Variants in LDLRAD4 observed in about 807,000 individuals in gnomAD.
The protein encoded by LDLRAD4 is low density lipoprotein receptor class A domain containing 4.
In LDLRAD4, 5 loss-of-function variants were observed where a neutral mutation model predicts 17.0. That is an observed-to-expected ratio of 0.29 (90% CI 0.15 to 0.62). The LOEUF is 0.62. Ranked by LOEUF, LDLRAD4 falls within the 20% of genes least tolerant of loss-of-function variation. The probability of loss-of-function intolerance (pLI) is 0.84; values close to 1 mark genes in which losing one functional copy is unlikely to be tolerated. For missense variants in LDLRAD4, 340 were observed against 424.7 expected, an observed-to-expected ratio of 0.80 and a Z score of 1.75; for synonymous variants, 168 against 171.8, an observed-to-expected ratio of 0.98 and a Z score of 0.17.
intron 1 of LDLRAD4, among the ~76,000 whole-genome samples, chr18:13,294,721 T>TG (rs1419639332): frequency 6.6e-6 from 1 of 151,812 alleles, no homozygotes; most frequent in Non-Finnish European, 1.5e-5. Flanking sequence ...AGAGTCTTAA[T>TG]GGTCACTAGG....
chr18:13,395,616 G>C (rs2086612953), intron 2 of LDLRAD4, among the ~76,000 whole-genome samples: 2 of 73,672 alleles, frequency 2.7e-5, no homozygotes, highest in Non-Finnish European at 5.4e-5. Context: ...GGGAGTTGGC[G>C]TGGGGGCGGG....
intron 1 of LDLRAD4, among the ~76,000 whole-genome samples, chr18:13,230,217 A>G (rs560154316): frequency 1.6e-4 from 25 of 152,282 alleles, no homozygotes; most frequent in South Asian, 1.5e-3. Flanking sequence ...ATCTGCCGGC[A>G]CCTTGATCTT....
chr18:13,508,404 T>G (rs558759012), intron 3 of LDLRAD4, among the ~76,000 whole-genome samples: 18 of 152,288 alleles, frequency 1.2e-4, no homozygotes, highest in African/African-American at 4.3e-4. Context: ...GGAATAACCC[T>G]CTATTGGAAG....
intron 1 of LDLRAD4, among the ~76,000 whole-genome samples, chr18:13,302,703 A>G (rs796282518): frequency 3.5e-4 from 53 of 152,330 alleles, no homozygotes; most frequent in African/African-American, 1.2e-3. Flanking sequence ...ACAGAGGGAA[A>G]GGAGGAAAAC....
intron 1 of LDLRAD4, among the ~76,000 whole-genome samples, chr18:13,316,764 C>G (rs2080955670): frequency 6.6e-6 from 1 of 152,028 alleles, no homozygotes; most frequent in African/African-American, 2.4e-5. Flanking sequence ...AAAGTAACCA[C>G]TAAAATACTA....
intron 3 of LDLRAD4, among the ~76,000 whole-genome samples, chr18:13,462,515 GCTGTGAGACAGGCA>G (rs2092467440): frequency 6.6e-6 from 1 of 152,154 alleles, no homozygotes; most frequent in East Asian, 1.9e-4. Flanking sequence ...TCTACATAGG[GCTGTGAGACAGGCA>G]CTGTTCAATA....
intron 1 of LDLRAD4, among the ~76,000 whole-genome samples, chr18:13,315,020 C>T (rs1363366960): frequency 1.3e-5 from 2 of 152,142 alleles, no homozygotes; most frequent in African/African-American, 4.8e-5. Context: ...AGCCAGAAGG[C>T]TATTCTTAAA....
intron 1 of LDLRAD4, among the ~76,000 whole-genome samples, chr18:13,348,975 C>A (rs1453901534): frequency 2.0e-5 from 3 of 152,180 alleles, no homozygotes; most frequent in Admixed American, 6.5e-5. Flanking sequence ...CATCTGTCAC[C>A]CCTTTCCTTG....
chr18:13,503,232 C>A (rs909945479), intron 3 of LDLRAD4, among the ~76,000 whole-genome samples: 1 of 152,160 alleles, frequency 6.6e-6, no homozygotes, highest in Non-Finnish European at 1.5e-5. Flanking sequence ...GGAGGATGGC[C>A]CTAGGTACTA....
At chr18:13,527,604 C>G (rs568516876) in intron 3 of LDLRAD4, among the ~76,000 whole-genome samples, 6 of 152,220 alleles carry the variant, frequency 3.9e-5, no homozygotes, top group African/African-American at 1.2e-4. Flanking sequence ...TTCTGCTCAC[C>G]GGCCCCTCTA....
chr18:13,433,216 T>G (rs1017868340), intron 2 of LDLRAD4, among the ~76,000 whole-genome samples: 3 of 152,240 alleles, frequency 2.0e-5, no homozygotes. Flanking sequence ...CTTTGCTATT[T>G]ACAATGTAAG....
chr18:13,413,948 TAA>T (rs2088617790), intron 2 of LDLRAD4, among the ~76,000 whole-genome samples: 1 of 152,130 alleles, frequency 6.6e-6, no homozygotes, highest in Non-Finnish European at 1.5e-5. Context: ...GAAATAATTA[TAA>T]GAGAGTACCT....
chr18:13,438,864 A>C (rs573040135), intron 3 of LDLRAD4, among the ~76,000 whole-genome samples: 2 of 152,342 alleles, frequency 1.3e-5, no homozygotes, highest in South Asian at 4.1e-4. Context: ...ACATGTGTGA[A>C]TCCCCAAGGC....
chr18:13,452,446 G>A (rs971302209), intron 3 of LDLRAD4, among the ~76,000 whole-genome samples: 1 of 152,080 alleles, frequency 6.6e-6, no homozygotes, highest in Non-Finnish European at 1.5e-5. Context: ...AGAGAGAGAG[G>A]AGGACCCCTG....
intron 2 of LDLRAD4, among the ~76,000 whole-genome samples, chr18:13,421,709 G>A (rs192847065): frequency 1.2e-4 from 18 of 152,204 alleles, no homozygotes; most frequent in Admixed American, 7.8e-4. Flanking sequence ...CCCACCCACC[G>A]CCCTGTTGTT....
At chr18:13,231,340 A>G (rs970682934) in intron 1 of LDLRAD4, among the ~76,000 whole-genome samples, 1 of 152,134 alleles carries the variant, frequency 6.6e-6, no homozygotes, top group Non-Finnish European at 1.5e-5. Flanking sequence ...AGCGGGAGTG[A>G]ACCTGGGCAC....
At chr18:13,594,683 A>AAAAAAAAAAAAAAAAAAAC (rs2095072114) in intron 3 of LDLRAD4, among the ~76,000 whole-genome samples, 1 of 149,148 alleles carries the variant, frequency 6.7e-6, no homozygotes, top group Non-Finnish European at 1.5e-5. Context: ...AAAAAAAAAA[A>AAAAAAAAAAAAAAAAAAAC]AAAAAAGAAA....
In LDLRAD4 at chr18:13,640,020, C is replaced by T. The variant is rs369897033; in HGVS notation, c.337-3339C>T. 5.9e-5 allele frequency among the ~76,000 whole-genome samples: 9 copies of T among 152,180 alleles called. No individual in the cohort carries two copies. In the South Asian group the frequency reaches 6.2e-4, roughly 10 times the overall value. On this transcript the variant is annotated intron_variant, in intron 4 of 5. Transcript: ENST00000359446. ...GAAAGAAACTGGCAAGGTGCGGTGGCTCACGCCTGTAATCCCAGCACTTTG... is the reference window on the plus strand; with the variant it reads ...GAAAGAAACTGGCAAGGTGCGGTGGTTCACGCCTGTAATCCCAGCACTTTG...
At chr18:13,564,572 C>G (rs2094574890) in intron 3 of LDLRAD4, among the ~76,000 whole-genome samples, 2 of 137,752 alleles carry the variant, frequency 1.5e-5, no homozygotes, top group Non-Finnish European at 3.1e-5. Flanking sequence ...TTTTGTGTTC[C>G]CATTTTCTAA....
Sources: gnomAD v4.1 joint callset for allele counts (sites outside exome capture counted in the v4.1 genomes callset) on GRCh38, gnomAD v4.1.1 for gene constraint, MANE v1.5 for transcripts, NCBI Gene and HGNC (gene_info 2026-07-23, HGNC 2026-07-21) for gene names.